The following PGR variants were observed in gnomAD, a reference collection of about 807,000 sequenced individuals.
PGR encodes the protein nuclear receptor subfamily 3 group C member 3.
PGR carries 25 observed loss-of-function variants against 76.1 expected under a neutral mutation model. The ratio of observed to expected loss-of-function variants is 0.33; its 90% confidence interval spans 0.24 to 0.46. The LOEUF (loss-of-function observed/expected upper bound fraction) is 0.46, where lower values mean the gene tolerates loss of function less well. PGR is among the 20% of genes least tolerant of loss of function. The pLI is 1.00. For synonymous variants in PGR, 579 were observed against 535.0 expected (o/e 1.08, Z -1.14); for missense variants, 1,172 against 1,225.3 (o/e 0.96, Z 0.65).
intron 6 of PGR, among the ~76,000 whole-genome samples, chr11:101,042,519 T>C (rs1242385252): frequency 4.6e-5 from 7 of 152,312 alleles, no homozygotes; most frequent in East Asian, 1.9e-4. Flanking sequence ...TAGTAAACTT[T>C]TGTCTTCTTT....
At chr11:101,051,212 T>C (rs900021270) in intron 5 of PGR, among the ~76,000 whole-genome samples, 5 of 152,110 alleles carry the variant, frequency 3.3e-5, no homozygotes, top group Non-Finnish European at 7.4e-5. Context: ...AATATATTTC[T>C]TGATACATTC....
At chr11:101,078,308 C>A (rs1457498926) in intron 3 of PGR, among the ~76,000 whole-genome samples, 1 of 152,036 alleles carries the variant, frequency 6.6e-6, no homozygotes, top group Non-Finnish European at 1.5e-5. Context: ...ACCCATAAAA[C>A]CTGTAACTGT....
intron 3 of PGR, among the ~76,000 whole-genome samples, chr11:101,088,555 A>G (rs1861571073): frequency 6.6e-6 from 1 of 152,054 alleles, no homozygotes; most frequent in Non-Finnish European, 1.5e-5. Context: ...GATGGTCTCC[A>G]TCTCCTGAAC....
chr11:101,080,181 C>G (rs1006298020), intron 3 of PGR, among the ~76,000 whole-genome samples: 1 of 152,162 alleles, frequency 6.6e-6, no homozygotes, highest in Non-Finnish European at 1.5e-5. Flanking sequence ...GAATCAGAAT[C>G]AGCCTATTGC....
chr11:101,050,408 C>G (rs1860045610), intron 5 of PGR, among the ~76,000 whole-genome samples: 1 of 152,064 alleles, frequency 6.6e-6, no homozygotes, highest in Non-Finnish European at 1.5e-5. Context: ...CTGAAGAATG[C>G]TCAGAAATGT....
At chr11:101,105,152 G>C (rs1862110792) in intron 2 of PGR, among the ~76,000 whole-genome samples, 1 of 152,026 alleles carries the variant, frequency 6.6e-6, no homozygotes, top group South Asian at 2.1e-4. Flanking sequence ...GTGCAGCAGA[G>C]TGCAGATGCT....
intron 3 of PGR, among the ~76,000 whole-genome samples, chr11:101,082,513 T>C (rs746063674): frequency 8.5e-5 from 13 of 152,178 alleles, no homozygotes; most frequent in Non-Finnish European, 1.9e-4. Context: ...ATGCTGATAG[T>C]GACATGGACA....
At chr11:101,072,734 T>C (rs1195394238) in intron 3 of PGR, among the ~76,000 whole-genome samples, 1 of 152,188 alleles carries the variant, frequency 6.6e-6, no homozygotes, top group Admixed American at 6.5e-5. Context: ...AAGAAGGCCA[T>C]TACATAATGG....
chr11:101,072,280 G>C (rs1164517973), intron 3 of PGR, among the ~76,000 whole-genome samples: 1 of 151,120 alleles, frequency 6.6e-6, no homozygotes, highest in African/African-American at 2.4e-5. Flanking sequence ...CAAAAGCTGA[G>C]AGATTTTGTC....
intron 4 of PGR, among the ~76,000 whole-genome samples, chr11:101,061,064 A>G (rs11571227): frequency 0.011 from 1,608 of 152,320 alleles, 36 homozygotes; most frequent in African/African-American, 0.037. Flanking sequence ...AACTATATCA[A>G]CAAAAACCAA....
chr11:101,050,926 C>A, intron 5 of PGR: 1 of 249,184 alleles, frequency 4.0e-6, no homozygotes, highest in Non-Finnish European at 8.0e-6. Flanking sequence ...CAGCATTTAC[C>A]ACTAGAACAA....
chr11:101,037,857 A>G lies in PGR; in HGVS notation c.*1259T>C, dbSNP rs751397020. 4.5e-5 allele frequency: 10 copies of G among 220,078 alleles called. No homozygotes were observed. The highest frequency in any genetic ancestry group is 9.0e-5 in the African/African-American group (4 of 44,640). The allele number at this position is 220,078 out of a possible 1,614,324, so 13.6% of individuals were successfully genotyped here. A position where few individuals can be genotyped will look rare whatever the true frequency, so the allele number is the denominator to read the frequency against. ...ATTCAACTCTCAGTCAGCAAACACT[A>G]TTGACCACTTTATATGGCTCCCAGA... On this transcript the variant is annotated 3_prime_UTR_variant, in exon 8 of 8. Coordinates refer to ENST00000325455, the MANE Select transcript of PGR (RefSeq NM_000926.4).
intron 4 of PGR, among the ~76,000 whole-genome samples, chr11:101,054,019 A>G (rs1860199637): frequency 6.6e-6 from 1 of 152,136 alleles, no homozygotes; most frequent in South Asian, 2.1e-4. Flanking sequence ...AGAGAAAGAT[A>G]TGACTATTTA....
chr11:101,129,157 A>C lies in PGR; in HGVS notation c.-87T>G. ...GGGGGTTTCGGGAATATAGGGGCAG[A>C]GGGAGGAGAAAGTGGGTGTTGAATG... On this transcript the variant is annotated 5_prime_UTR_variant, in exon 1 of 8. Coordinates refer to ENST00000325455, the MANE Select transcript of PGR (RefSeq NM_000926.4). 1 of 855,176 alleles carries C rather than the reference A, an allele frequency of 1.2e-6. No individual in the cohort carries two copies. The allele number at this position is 855,176 out of a possible 1,614,324, so 53.0% of individuals were successfully genotyped here. A position where few individuals can be genotyped will look rare whatever the true frequency, so the allele number is the denominator to read the frequency against.
intron 4 of PGR, among the ~76,000 whole-genome samples, chr11:101,056,169 A>T (rs1233964344): frequency 6.6e-6 from 1 of 152,108 alleles, no homozygotes; most frequent in African/African-American, 2.4e-5. Context: ...ATTTGAGATG[A>T]CCAAAATGAA....
Position 101,041,665 on chromosome 11 carries a change from C to T in PGR, c.2646+280G>A, listed in dbSNP as rs368681223. On this transcript the variant is annotated intron_variant, in intron 7 of 7. Transcript: ENST00000325455. ...ATAAAATCTTTTATAATTTTAGGCA[C>T]AAATATTTTAGAACATATTCAGGAA... The T allele has an allele frequency of 6.2e-5, 22 of 353,822 alleles. 1 individual carries two copies. The South Asian group carries it at 6.7e-4, about 11-fold the overall frequency. The allele number at this position is 353,822 out of a possible 1,614,324, so 21.9% of individuals were successfully genotyped here.
chr11:101,073,897 G>C (rs1412996570), intron 3 of PGR, among the ~76,000 whole-genome samples: 2 of 152,116 alleles, frequency 1.3e-5, no homozygotes, highest in African/African-American at 2.4e-5. Flanking sequence ...AATTCTACCA[G>C]AGATACAAGG....
At chr11:101,093,312 A>AT (rs112288755) in intron 2 of PGR, among the ~76,000 whole-genome samples, 23,888 of 145,668 alleles carry the variant, frequency 0.16, 2,323 homozygotes, top group African/African-American at 0.28. Context: ...TTTGACTCTA[A>AT]TTTTTTTTTT....
Position 101,039,091 on chromosome 11 carries a change from A to T in PGR, c.*25T>A, listed in dbSNP as rs771131065. ...ACAAAAAGACATACCACAAAATTTA[A>T]TTCTTTAAAAGAAAAAGATGACATT... On this transcript the variant is annotated 3_prime_UTR_variant, in exon 8 of 8. Coordinates refer to ENST00000325455, the MANE Select transcript of PGR (RefSeq NM_000926.4). 5.6e-6 allele frequency: 9 copies of T among 1,595,054 alleles called. No homozygotes were observed. The highest frequency in any genetic ancestry group is 7.7e-6 in the Non-Finnish European group (9 of 1,163,724).
Sources: gnomAD v4.1 joint callset for allele counts (sites outside exome capture counted in the v4.1 genomes callset) on GRCh38, gnomAD v4.1.1 for gene constraint, MANE v1.5 for transcripts, NCBI Gene and HGNC (gene_info 2026-07-23, HGNC 2026-07-21) for gene names.